The following NDFIP2 variants were observed in gnomAD, a reference collection of about 807,000 sequenced individuals.
The protein encoded by NDFIP2 is Nedd4 family interacting protein 2.
A neutral mutation model predicts 36.0 loss-of-function variants in NDFIP2; 19 were observed. That is an observed-to-expected ratio of 0.53 (90% CI 0.37 to 0.77). The LOEUF (loss-of-function observed/expected upper bound fraction) is 0.77, where lower values mean the gene tolerates loss of function less well. Among genes scored for constraint, NDFIP2 ranks in the 30% least tolerant of loss-of-function variants. The pLI, the probability that NDFIP2 is intolerant of heterozygous loss-of-function variation, is 0.00. For missense variants in NDFIP2, 446 were observed against 435.8 expected (o/e 1.02, Z -0.21); for synonymous variants, 181 against 167.7 (o/e 1.08, Z -0.61).
chr13:79,496,834 A>G (rs774006463), intron 1 of NDFIP2, among the ~76,000 whole-genome samples: 11 of 151,562 alleles, frequency 7.3e-5, no homozygotes, highest in South Asian at 2.1e-4. Context: ...TTTTTATTTC[A>G]TATTTATTAT....
At chr13:79,491,423 T>C (rs1319444489) in intron 1 of NDFIP2, among the ~76,000 whole-genome samples, 1 of 139,582 alleles carries the variant, frequency 7.2e-6, no homozygotes, top group African/African-American at 3.4e-5. Context: ...TCTTCCTCTG[T>C]CTCTCTCTCT....
At chr13:79,550,589 A>G (rs928998091) in intron 6 of NDFIP2, among the ~76,000 whole-genome samples, 3 of 151,540 alleles carry the variant, frequency 2.0e-5, no homozygotes, top group African/African-American at 4.8e-5. Context: ...TAGTAACCTC[A>G]TGTATATATT....
chr13:79,493,643 T>G (rs947637619), intron 1 of NDFIP2, among the ~76,000 whole-genome samples: 1 of 152,136 alleles, frequency 6.6e-6, no homozygotes, highest in Non-Finnish European at 1.5e-5. Flanking sequence ...AGAGGACAGA[T>G]TTTATTACCG....
At chr13:79,543,526 G>T (rs1264517930) in intron 4 of NDFIP2, 32 bp from the exon 5 acceptor site, 5 of 1,611,606 alleles carry the variant, frequency 3.1e-6, no homozygotes. Flanking sequence ...CCAAATTGTG[G>T]TTTATAAAAG....
intron 1 of NDFIP2, among the ~76,000 whole-genome samples, chr13:79,510,128 A>G (rs1355457041): frequency 6.6e-6 from 1 of 152,196 alleles, no homozygotes; most frequent in Non-Finnish European, 1.5e-5. Flanking sequence ...TTTGGTTTAT[A>G]CAAATCTGCA....
chr13:79,536,400 GTTGA>G (rs1875239593), intron 3 of NDFIP2, among the ~76,000 whole-genome samples: 2 of 152,200 alleles, frequency 1.3e-5, no homozygotes, highest in Admixed American at 1.3e-4. Context: ...GTCAATGACA[GTTGA>G]TTAAGTTAAT....
rs1230283372 is a variant in NDFIP2, at chr13:79,551,046, A to C, written c.937A>C (p.Asn313His). 6.2e-7 allele frequency: 1 copy of C among 1,601,776 alleles called. No individual in the cohort carries two copies. Among genetic ancestry groups the C allele is most frequent in the East Asian group, 2.3e-5 (1 of 44,256 alleles). Residue 313 changes from asparagine (N) to histidine (H), a missense_variant, in exon 7 of 8, where the codon AAT (asparagine) becomes CAT (histidine). By Grantham distance (68) the Asn-to-His change is moderately conservative. This residue lies in a region of NDFIP2 where 77 missense variants were observed against 131.0 expected (regional missense o/e 0.59). Coordinates refer to ENST00000218652, the MANE Select transcript of NDFIP2 (RefSeq NM_019080.3). ...GCTCCTTTTCTTCAGAGGATTTGTT[A>C]ATTATCTAAAAGTCAGAAACATGTC... ...GLLLFFRGFV[N>H]YLKVRNMSES... is the part of the protein sequence containing the mutation.
In NDFIP2 at chr13:79,493,598, AGGG is replaced by A. The variant is rs778259836; in HGVS notation, c.321+12075_321+12077del. ...TTCTCATTTTACAGAAGACTATCCG[AGGG>A]AGGTTCTGTTCAAGGTTATGCAGGA... On this transcript the variant is annotated intron_variant, in intron 1 of 7. Coordinates refer to ENST00000218652, the MANE Select transcript of NDFIP2 (RefSeq NM_019080.3). 5.4e-4 allele frequency among the ~76,000 whole-genome samples: 82 copies of A among 152,300 alleles called. No individual in the cohort carries two copies. The Middle Eastern group carries it at 0.01, about 19-fold the overall frequency.
chr13:79,534,055 C>T (rs1875127923), intron 3 of NDFIP2, among the ~76,000 whole-genome samples: 2 of 152,172 alleles, frequency 1.3e-5, no homozygotes, highest in African/African-American at 2.4e-5. Flanking sequence ...TGATTTCAGG[C>T]CCCTCATGTG....
In NDFIP2 at chr13:79,539,783, A is replaced by T. The variant is rs756156762; in HGVS notation, c.715+8A>T. On this transcript the variant is annotated splice_region_variant and intron_variant, in intron 4 of 7. Transcript: ENST00000218652. ...TCATGCTGGCATTTTTCAGTAAGTAATCTTCCTAAACTATTTTGGGTTGTT... is the reference window on the plus strand; with the variant it reads ...TCATGCTGGCATTTTTCAGTAAGTATTCTTCCTAAACTATTTTGGGTTGTT... 40 of 1,611,578 alleles carry T rather than the reference A, an allele frequency of 2.5e-5. No homozygotes were observed. The East Asian group carries it at 8.9e-4, about 36-fold the overall frequency.
intron 3 of NDFIP2, among the ~76,000 whole-genome samples, chr13:79,538,984 A>G (rs924614397): frequency 4.6e-4 from 70 of 152,202 alleles, no homozygotes; most frequent in Non-Finnish European, 4.4e-5. Context: ...TGCAGTGTAC[A>G]GCTCTGTGGC....
At chr13:79,512,151 A>G (rs1236373028) in intron 1 of NDFIP2, among the ~76,000 whole-genome samples, 3 of 152,158 alleles carry the variant, frequency 2.0e-5, no homozygotes, top group South Asian at 4.1e-4. Flanking sequence ...GAATCTGTCA[A>G]AATGTCCTTA....
At position 79,503,658 on chromosome 13, in the gene NDFIP2, C is replaced by A. The variant is rs548560387; in HGVS notation, c.322-17152C>A. Among the ~76,000 whole-genome samples, 3 of 152,248 alleles carry A rather than the reference C, an allele frequency of 2.0e-5. No individual in the cohort carries two copies. In the South Asian group the frequency reaches 6.2e-4, roughly 32 times the overall value. ...GAGAACTGAGGTTTACTGGACCACT[C>A]AACTGTAGATATCCATCATTACTTT... On this transcript the variant is annotated intron_variant, in intron 1 of 7. Coordinates refer to ENST00000218652, the MANE Select transcript of NDFIP2 (RefSeq NM_019080.3).
chr13:79,501,742 C>T (rs1369733799), intron 1 of NDFIP2, among the ~76,000 whole-genome samples: 1 of 152,092 alleles, frequency 6.6e-6, no homozygotes, highest in Non-Finnish European at 1.5e-5. Context: ...GAATCACTAA[C>T]AACAGTATGT....
chr13:79,484,866 T>A (rs149161245), intron 1 of NDFIP2, among the ~76,000 whole-genome samples: 1 of 152,336 alleles, frequency 6.6e-6, no homozygotes, highest in East Asian at 1.9e-4. Context: ...TCTTGAAGCC[T>A]CAGTTTCCTT....
At chr13:79,502,672 C>CT (rs1267840158) in intron 1 of NDFIP2, among the ~76,000 whole-genome samples, 1 of 152,012 alleles carries the variant, frequency 6.6e-6, no homozygotes, top group Non-Finnish European at 1.5e-5. Context: ...TGAAAATAGG[C>CT]TTTTGGATTT....
At chr13:79,481,665 T>A in intron 1 of NDFIP2, 141 bp downstream of exon 1, 1 of 1,063,254 alleles carries the variant, frequency 9.4e-7, no homozygotes, top group South Asian at 1.5e-5. Context: ...ATCTTCTGGC[T>A]GGAGCTGCTT....
At chr13:79,550,756 G>A (rs1434646058) in intron 6 of NDFIP2, among the ~76,000 whole-genome samples, 4 of 151,482 alleles carry the variant, frequency 2.6e-5, no homozygotes, top group African/African-American at 9.7e-5. Flanking sequence ...TCACTTAAAT[G>A]TATATTTTTA....
intron 1 of NDFIP2, among the ~76,000 whole-genome samples, chr13:79,490,828 C>T (rs1179761211): frequency 6.6e-6 from 1 of 152,162 alleles, no homozygotes; most frequent in African/African-American, 2.4e-5. Flanking sequence ...TTACTTGCAC[C>T]TGATAATCAG....
Sources: gnomAD v4.1 joint callset for allele counts (sites outside exome capture counted in the v4.1 genomes callset) on GRCh38, gnomAD v4.1.1 for gene constraint, gnomAD v4.1.1 regional missense constraint, MANE v1.5 for transcripts, NCBI Gene and HGNC (gene_info 2026-07-23, HGNC 2026-07-21) for gene names.